The following RAB43 variants were observed in gnomAD, a reference collection of about 807,000 sequenced individuals.
The protein encoded by RAB43 is RAB43, member RAS oncogene family.
A neutral mutation model predicts 18.8 loss-of-function variants in RAB43; 6 were observed. The ratio of observed to expected loss-of-function variants is 0.32; its 90% CI spans 0.17 to 0.63. RAB43 has a LOEUF of 0.63. RAB43 is among the 30% of genes least tolerant of loss of function. RAB43 has a pLI of 0.79. For missense variants in RAB43, 195 were observed against 289.1 expected (o/e 0.67, Z 2.36); for synonymous variants, 103 against 124.1 (o/e 0.83, Z 1.13).
chr3:129,118,151 G>T (rs1935668048), intron 1 of RAB43, among the ~76,000 whole-genome samples: 1 of 152,188 alleles, frequency 6.6e-6, no homozygotes, highest in African/African-American at 2.4e-5. Context: ...AGATGCAAAG[G>T]TCCTGAGGCA....
chr3:129,102,959 C>T (rs1225535938), intron 1 of RAB43, among the ~76,000 whole-genome samples: 3 of 152,204 alleles, frequency 2.0e-5, no homozygotes. Flanking sequence ...AGAGGCCAGG[C>T]CTAGGCTCAG....
intron 1 of RAB43, among the ~76,000 whole-genome samples, chr3:129,114,728 G>A (rs1349098951): frequency 3.3e-5 from 5 of 152,196 alleles, no homozygotes; most frequent in Non-Finnish European, 5.9e-5. Flanking sequence ...AAGGAAAGCA[G>A]ACATGTGGAT....
chr3:129,114,323 G>A (rs1001500025), intron 1 of RAB43, among the ~76,000 whole-genome samples: 1 of 152,212 alleles, frequency 6.6e-6, no homozygotes, highest in African/African-American at 2.4e-5. Context: ...TTGTGGGTTT[G>A]TGTGTGTTTG....
chr3:129,093,227 G>A (rs1031720593), intron 2 of RAB43, among the ~76,000 whole-genome samples: 1 of 151,902 alleles, frequency 6.6e-6, no homozygotes, highest in African/African-American at 2.4e-5. Context: ...CTGAACTCAG[G>A]CAATCCACCC....
chr3:129,121,516 G>T lies in RAB43; in HGVS notation c.-27C>A. 1.3e-6 allele frequency: 2 copies of T among 1,564,552 alleles called. No individual in the cohort carries two copies. The highest frequency in any genetic ancestry group is 8.7e-7 in the Non-Finnish European group (1 of 1,153,826). On this transcript the variant is annotated 5_prime_UTR_variant, in exon 1 of 3. Coordinates refer to ENST00000315150, the MANE Select transcript of RAB43 (RefSeq NM_198490.3). ...GCCTAGAAGAAGCCGAAGGGCCGGC[G>T]CTCTGGACGCTGGGACCGGCCTGAG...
chr3:129,092,813 A>G (rs13065473), intron 2 of RAB43, among the ~76,000 whole-genome samples: 132,873 of 151,066 alleles, frequency 0.88, 59,529 homozygotes, highest in Non-Finnish European at 0.97. Flanking sequence ...AAAATTAGCC[A>G]GGCATGGTGG....
chr3:129,117,857 T>A (rs1230682179), intron 1 of RAB43, among the ~76,000 whole-genome samples: 1 of 152,192 alleles, frequency 6.6e-6, no homozygotes, highest in Non-Finnish European at 1.5e-5. Flanking sequence ...TTTCTCTCTA[T>A]AAAGGAACCA....
chr3:129,094,085 T>C (rs1356263154), intron 2 of RAB43, among the ~76,000 whole-genome samples: 2 of 152,180 alleles, frequency 1.3e-5, no homozygotes, highest in Non-Finnish European at 2.9e-5. Context: ...CAAAGTGGGA[T>C]CCTTGGACCA....
intron 1 of RAB43, among the ~76,000 whole-genome samples, chr3:129,113,170 A>T (rs9869099): frequency 0.73 from 98,189 of 134,146 alleles, 38,244 homozygotes; most frequent in Non-Finnish European, 0.89. Flanking sequence ...TATTATTATT[A>T]TTTTTTTTTT....
chr3:129,117,114 C>T (rs890630295), intron 1 of RAB43, among the ~76,000 whole-genome samples: 1 of 152,152 alleles, frequency 6.6e-6, no homozygotes, highest in Non-Finnish European at 1.5e-5. Context: ...GGGTGGCTTA[C>T]GGGACAAACA....
rs189040211 is a variant in RAB43 at position 129,117,658 on chromosome 3, T to A, written c.204+3628A>T. On this transcript the variant is annotated intron_variant, in intron 1 of 2. Transcript: ENST00000315150. Reference sequence around the variant, plus strand: ...TCTTTCTAAAATGCCCCATTCCACATTCTTCTCTCAGTGAATGCAATGGCC... The same window carrying A: ...TCTTTCTAAAATGCCCCATTCCACAATCTTCTCTCAGTGAATGCAATGGCC... Among the ~76,000 whole-genome samples, 12 of 152,332 alleles carry A rather than the reference T, an allele frequency of 7.9e-5. No individual in the cohort carries two copies. In the East Asian group the frequency reaches 2.3e-3, roughly 29 times the overall value.
At chr3:129,091,417 C>A in intron 2 of RAB43, 71 bp from the exon 3 acceptor site, 1 of 1,513,796 alleles carries the variant, frequency 6.6e-7, no homozygotes, top group Non-Finnish European at 8.9e-7. Flanking sequence ...GGGAGGGTCA[C>A]GCTGACAGCC....
intron 1 of RAB43, among the ~76,000 whole-genome samples, chr3:129,114,302 A>C (rs989712118): frequency 6.6e-6 from 1 of 152,196 alleles, no homozygotes; most frequent in Non-Finnish European, 1.5e-5. Context: ...ATCAGTCCCA[A>C]CTTTTTTCAT....
At chr3:129,114,860 G>A (rs765106890) in intron 1 of RAB43, among the ~76,000 whole-genome samples, 4 of 152,120 alleles carry the variant, frequency 2.6e-5, no homozygotes, top group Non-Finnish European at 5.9e-5. Context: ...ATAGCCACAG[G>A]GGCCAGTCTC....
In RAB43 at chr3:129,095,357, C is replaced by A. The variant is rs568273664; in HGVS notation, c.205-188G>T. On this transcript the variant is annotated intron_variant, in intron 1 of 2. Coordinates refer to ENST00000315150, the MANE Select transcript of RAB43 (RefSeq NM_198490.3). The surrounding 1 kb of genome is among the most constrained non-coding windows in gnomAD (Gnocchi z 4.2). Reference sequence around the variant, plus strand: ...GGGGAAGCAAAGGGAAGGTGAGCAGCCCCTGTCCTGGCCCTCTAGGGTCCC... The same window carrying A: ...GGGGAAGCAAAGGGAAGGTGAGCAGACCCTGTCCTGGCCCTCTAGGGTCCC... Among the ~76,000 whole-genome samples, 5 of 152,286 alleles carry A rather than the reference C, an allele frequency of 3.3e-5. 1 individual carries two copies. The Middle Eastern group carries it at 0.01, about 311-fold the overall frequency.
intron 1 of RAB43, among the ~76,000 whole-genome samples, chr3:129,108,662 G>A (rs1274608752): frequency 6.6e-6 from 1 of 152,220 alleles, no homozygotes; most frequent in Non-Finnish European, 1.5e-5. Flanking sequence ...GCTCGACAGA[G>A]TACCACCTTC....
chr3:129,108,080 C>T (rs1447677631), intron 1 of RAB43, among the ~76,000 whole-genome samples: 1 of 152,238 alleles, frequency 6.6e-6, no homozygotes, highest in Non-Finnish European at 1.5e-5. Context: ...ACACTCCTCC[C>T]TCCCAGGGCC....
rs750815802 is a variant in RAB43 at position 129,091,153 on chromosome 3, G to T, written c.582C>A (p.Pro194=). 2 of 1,578,012 alleles carry T rather than the reference G, an allele frequency of 1.3e-6. No individual in the cohort carries two copies. The highest frequency in any genetic ancestry group is 8.6e-7 in the Non-Finnish European group (1 of 1,158,604). Residue 194 remains proline (P), a synonymous_variant, in exon 3 of 3, where the codon CCC becomes CCA. Coordinates refer to ENST00000315150, the MANE Select transcript of RAB43 (RefSeq NM_198490.3). ...HGGPLFSEKS[P]DHIQLNSKDI... is the part of the protein sequence containing the mutation. ...CCTTGCTGTTCAGCTGGATGTGGTC[G>T]GGGCTCTTCTCGCTGAACAAGGGGC...
At chr3:129,109,196 G>A (rs1253701829) in intron 1 of RAB43, among the ~76,000 whole-genome samples, 3 of 151,880 alleles carry the variant, frequency 2.0e-5, no homozygotes, top group Non-Finnish European at 4.4e-5. Context: ...GGATCACGAG[G>A]TCAGGAGATC....
Sources: gnomAD v4.1 joint callset for allele counts (sites outside exome capture counted in the v4.1 genomes callset) on GRCh38, gnomAD v4.1.1 for gene constraint, Gnocchi (gnomAD v3.1) non-coding constraint, MANE v1.5 for transcripts, NCBI Gene and HGNC (gene_info 2026-07-23, HGNC 2026-07-21) for gene names.